Variants in ABLIM2 observed in about 807,000 individuals in gnomAD.
ABLIM2 encodes actin-binding LIM protein 2.
In ABLIM2, 53 loss-of-function variants were observed where a neutral mutation model predicts 97.7. The observed-to-expected ratio is 0.54, with a 90% CI of 0.44 to 0.68. The LOEUF is 0.68. Ranked by LOEUF, ABLIM2 falls within the 30% of genes least tolerant of loss-of-function variation. The pLI, the probability that ABLIM2 is intolerant of heterozygous loss-of-function variation, is 0.00. For synonymous variants in ABLIM2, 361 were observed against 345.8 expected (o/e 1.04, Z -0.49); for missense variants, 835 against 867.2 (o/e 0.96, Z 0.47).
At chr4:8,134,382 C>G (rs1028526500) in intron 1 of ABLIM2, among the ~76,000 whole-genome samples, 3 of 152,132 alleles carry the variant, frequency 2.0e-5, no homozygotes, top group African/African-American at 7.2e-5. Flanking sequence ...CAAGGAGGCA[C>G]TCGCCCAGGC....
Position 7,986,194 on chromosome 4 carries a change from G to A in ABLIM2, c.1681-1301C>T, listed in dbSNP as rs1442702244. On this transcript the variant is annotated intron_variant, in intron 17 of 20. Coordinates refer to ENST00000447017, the MANE Select transcript of ABLIM2 (RefSeq NM_001130083.2). The surrounding 1 kb of genome is among the most constrained non-coding windows in gnomAD (Gnocchi z 4.3). ...AGAGTTCTGCAGCCAAAGGAGAGAC[G>A]GTATGCTCAGCCCAGCGGGTCTGTC... is the stretch of plus-strand genomic sequence containing the variant. 3.9e-5 allele frequency among the ~76,000 whole-genome samples: 6 copies of A among 152,240 alleles called. No homozygotes were observed. Among genetic ancestry groups the A allele is most frequent in the Admixed American group, 1.3e-4 (2 of 15,286 alleles).
rs1044484913 is a variant in ABLIM2 at position 7,965,779 on chromosome 4, C to T, written c.*1211G>A. The T allele has an allele frequency of 2.6e-5, 4 of 152,164 alleles. No individual in the cohort carries two copies. The highest frequency in any genetic ancestry group is 9.7e-5 in the African/African-American group (4 of 41,408). 9.4% of individuals were successfully genotyped at this position (152,164 alleles called of 1,614,324 possible). ...CTGGCTTCAAAGATGAGAAGAGCCA[C>T]ATCTCCATCCTATCTCCATCCTATC... On this transcript the variant is annotated 3_prime_UTR_variant, in exon 21 of 21. Transcript: ENST00000447017.
intron 4 of ABLIM2, among the ~76,000 whole-genome samples, chr4:8,084,799 C>A (rs1049914536): frequency 1.6e-4 from 24 of 152,338 alleles, no homozygotes; most frequent in East Asian, 1.4e-3. Flanking sequence ...TGGCCCCACA[C>A]CCACATCAAA....
At position 8,122,252 on chromosome 4, in the gene ABLIM2, C is replaced by A. The variant is rs947542125; in HGVS notation, c.11-15615G>T. ...GTGCATCTCCATCATATCCGAATGG[C>A]CTGGTAAGGATGGCCACAGAGAGCT... On this transcript the variant is annotated intron_variant, in intron 1 of 20. Transcript: ENST00000447017. This position sits in a 1 kb window ranked among gnomAD's most constrained non-coding sequence, Gnocchi z 4.1. Among the ~76,000 whole-genome samples the A allele has an allele frequency of 2.6e-5, 4 of 152,162 alleles. No homozygotes were observed. The highest frequency in any genetic ancestry group is 9.7e-5 in the African/African-American group (4 of 41,444).
intron 4 of ABLIM2, among the ~76,000 whole-genome samples, chr4:8,081,293 G>A (rs927586805): frequency 2.0e-5 from 3 of 152,126 alleles, no homozygotes; most frequent in Non-Finnish European, 2.9e-5. Context: ...GGTGACTGGC[G>A]CTCTCCACCC....
intron 20 of ABLIM2, among the ~76,000 whole-genome samples, chr4:7,974,406 T>TCCATCCATCCACCCAC (rs1731100276): frequency 7.5e-6 from 1 of 134,006 alleles, no homozygotes; most frequent in African/African-American, 2.9e-5. Context: ...CATCCACCCA[T>TCCATCCATCCACCCAC]CCATCCACCA....
In ABLIM2 at chr4:8,132,842, G is replaced by C. The variant is rs999984576; in HGVS notation, c.10+25838C>G. Among the ~76,000 whole-genome samples the C allele has an allele frequency of 3.9e-5, 6 of 152,178 alleles. No individual in the cohort carries two copies. The highest frequency in any genetic ancestry group is 9.7e-5 in the African/African-American group (4 of 41,442). On this transcript the variant is annotated intron_variant, in intron 1 of 20. Coordinates refer to ENST00000447017, the MANE Select transcript of ABLIM2 (RefSeq NM_001130083.2). This position sits in a 1 kb window ranked among gnomAD's most constrained non-coding sequence, Gnocchi z 8.0. ...TAAATGAGATGATGCCTCTGAAAGT[G>C]TCCAGCCCCTACCCGGGCACGTGGT...
intron 8 of ABLIM2, among the ~76,000 whole-genome samples, chr4:8,052,189 C>G (rs888817311): frequency 6.6e-6 from 1 of 152,228 alleles, no homozygotes; most frequent in African/African-American, 2.4e-5. Context: ...GGGTGGTGTT[C>G]CCATGCACAC....
At chr4:8,100,054 G>A (rs16841707) in intron 2 of ABLIM2, among the ~76,000 whole-genome samples, 6,426 of 152,308 alleles carry the variant, frequency 0.042, 442 homozygotes, top group African/African-American at 0.14. Context: ...GGCACACGCT[G>A]TGTTCATTTA....
At chr4:8,062,384 A>G (rs182900365) in intron 6 of ABLIM2, among the ~76,000 whole-genome samples, 177 of 151,996 alleles carry the variant, frequency 1.2e-3, no homozygotes, top group South Asian at 9.6e-3. Flanking sequence ...TGTGGGTGAA[A>G]CAATCATTTC....
At chr4:8,116,463 T>A (rs1377873981) in intron 1 of ABLIM2, among the ~76,000 whole-genome samples, 3 of 152,148 alleles carry the variant, frequency 2.0e-5, no homozygotes, top group Non-Finnish European at 2.9e-5. Flanking sequence ...CAGGAACGGG[T>A]TCTCTAAATC....
At chr4:8,007,207 G>T (rs1191983757) in intron 16 of ABLIM2, 35 of 984,892 alleles carry the variant, frequency 3.6e-5, no homozygotes, top group Non-Finnish European at 4.1e-5. Context: ...AGCTACTATG[G>T]CCGGCCGAAT....
chr4:8,131,825 C>T, intron 1 of ABLIM2, among the ~76,000 whole-genome samples: 1 of 130,720 alleles, frequency 7.6e-6, no homozygotes, highest in East Asian at 2.1e-4. Flanking sequence ...CCCGCATCCC[C>T]AGCACAGCAG....
At chr4:8,152,411 G>A (rs1178269371) in intron 1 of ABLIM2, among the ~76,000 whole-genome samples, 3 of 152,196 alleles carry the variant, frequency 2.0e-5, no homozygotes, top group South Asian at 2.1e-4. Flanking sequence ...TCCGAGCAGC[G>A]CTGCGAGGAC....
Position 8,082,959 on chromosome 4 carries a change from G to A in ABLIM2, c.455-2157C>T, listed in dbSNP as rs1307169768. Among the ~76,000 whole-genome samples the A allele has an allele frequency of 6.6e-6, 1 of 152,144 alleles. No individual in the cohort carries two copies. The highest frequency in any genetic ancestry group is 1.5e-5 in the Non-Finnish European group (1 of 68,022). On this transcript the variant is annotated intron_variant, in intron 4 of 20. Transcript: ENST00000447017. The surrounding 1 kb of genome is among the most constrained non-coding windows in gnomAD (Gnocchi z 5.6). ...CTCTGCATCAGTGGCTCTCAACTTG[G>A]GGCACTTTTGCCCAAGAGACATTTG...
At position 7,992,816 on chromosome 4, in the gene ABLIM2, C is replaced by T; in HGVS notation, c.1680+50G>A. On this transcript the variant is annotated intron_variant, in intron 17 of 20. Transcript: ENST00000447017. This position sits in a 1 kb window ranked among gnomAD's most constrained non-coding sequence, Gnocchi z 5.7. ...AAGAAGCTGTGGGAAACGTGCTCAG[C>T]CTCACAGCAATCGTTAGTACCCTGT... The T allele has an allele frequency of 6.3e-7, 1 of 1,586,438 alleles. No individual in the cohort carries two copies. The highest frequency in any genetic ancestry group is 8.6e-7 in the Non-Finnish European group (1 of 1,160,452).
At chr4:8,007,777 G>A (rs1762375393) in intron 16 of ABLIM2, 2 of 1,217,474 alleles carry the variant, frequency 1.6e-6, no homozygotes, top group Non-Finnish European at 1.0e-6. Context: ...CAGCCCAGGA[G>A]CAGGTCTGGG....
chr4:8,142,709 C>T (rs574904437), intron 1 of ABLIM2, among the ~76,000 whole-genome samples: 1 of 152,316 alleles, frequency 6.6e-6, no homozygotes, highest in Non-Finnish European at 1.5e-5. Context: ...GAATCAGCGG[C>T]CTTGCCCTTG....
intron 20 of ABLIM2, among the ~76,000 whole-genome samples, chr4:7,982,797 G>A (rs1035242504): frequency 1.3e-5 from 2 of 152,042 alleles, no homozygotes; most frequent in South Asian, 2.1e-4. Context: ...TCTGCCTCCC[G>A]GGTTCAAGTG....
Sources: gnomAD v4.1 joint callset for allele counts (sites outside exome capture counted in the v4.1 genomes callset) on GRCh38, gnomAD v4.1.1 for gene constraint, Gnocchi (gnomAD v3.1) non-coding constraint, MANE v1.5 for transcripts, NCBI Gene and HGNC (gene_info 2026-07-23, HGNC 2026-07-21) for gene names.